CORO2B: variants seen among roughly 807,000 people sequenced by gnomAD.
The protein encoded by CORO2B is coronin 2B, also known as coronin-2B.
CORO2B carries 26 observed loss-of-function variants against 58.8 expected under a neutral mutation model. The observed-to-expected ratio is 0.44, with a 90% CI of 0.32 to 0.61. The LOEUF (loss-of-function observed/expected upper bound fraction) is 0.61, where lower values mean the gene tolerates loss of function less well. CORO2B is among the 20% of genes least tolerant of loss of function. The pLI is 0.04. For synonymous variants in CORO2B, 242 were observed against 253.8 expected, an observed-to-expected ratio of 0.95 and a Z score of 0.44; for missense variants, 460 against 645.1, an observed-to-expected ratio of 0.71 and a Z score of 3.11.
chr15:68,577,420 A>G (rs1222627044), upstream of CORO2B, among the ~76,000 whole-genome samples: 2 of 152,152 alleles, frequency 1.3e-5, no homozygotes, highest in African/African-American at 4.8e-5. Flanking sequence ...GACTCCCAAG[A>G]AAATGTGGTT....
rs759935942 is a variant in CORO2B, at chr15:68,711,528, A to C, written c.484-14A>C. The C allele has an allele frequency of 4.4e-6, 7 of 1,606,828 alleles. No homozygotes were observed. The highest frequency in any genetic ancestry group is 5.1e-6 in the Non-Finnish European group (6 of 1,175,450). Reference sequence around the variant, plus strand: ...CAGCCACTGACCCTGCCTCCCATGCATCTGCCCTCGCAGGTCCTCATCTGG... The same window carrying C: ...CAGCCACTGACCCTGCCTCCCATGCCTCTGCCCTCGCAGGTCCTCATCTGG... On this transcript the variant is annotated splice_polypyrimidine_tract_variant and intron_variant, in intron 4 of 11. Coordinates refer to ENST00000261861, the MANE Select transcript of CORO2B (RefSeq NM_006091.5).
chr15:68,540,466 A>T, the CORO2B span, among the ~76,000 whole-genome samples: 3 of 152,360 alleles, frequency 2.0e-5, no homozygotes, highest in East Asian at 5.8e-4. Context: ...AATGTCTGCC[A>T]AATACACAAG....
At chr15:68,554,428 C>T in the CORO2B span, among the ~76,000 whole-genome samples, 2 of 152,172 alleles carry the variant, frequency 1.3e-5, no homozygotes, top group Non-Finnish European at 2.9e-5. Flanking sequence ...GGAGAACCTC[C>T]AGCTGCCAGA....
At chr15:68,586,489 C>T (rs891863142) in intron 1 of CORO2B, among the ~76,000 whole-genome samples, 6 of 152,150 alleles carry the variant, frequency 3.9e-5, no homozygotes, top group Non-Finnish European at 5.9e-5. Flanking sequence ...TCAAAAGCCA[C>T]GGACCTTGAT....
At chr15:68,619,948 G>C (rs1027433824) in intron 1 of CORO2B, among the ~76,000 whole-genome samples, 2 of 152,008 alleles carry the variant, frequency 1.3e-5, no homozygotes, top group Non-Finnish European at 2.9e-5. Flanking sequence ...GTCTCACTCT[G>C]TCTCCCAGGC....
chr15:68,565,225 A>G, the CORO2B span, among the ~76,000 whole-genome samples: 1 of 152,112 alleles, frequency 6.6e-6, no homozygotes, highest in East Asian at 1.9e-4. Context: ...TGACAGATTA[A>G]TATATTGATA....
intron 11 of CORO2B, among the ~76,000 whole-genome samples, chr15:68,720,557 G>A (rs2140335026): frequency 6.6e-6 from 1 of 152,286 alleles, no homozygotes; most frequent in South Asian, 2.1e-4. Context: ...TCACTCATGT[G>A]GTTGCTGCTA....
chr15:68,712,921 T>G (rs1320542590), intron 5 of CORO2B, among the ~76,000 whole-genome samples: 2 of 152,174 alleles, frequency 1.3e-5, no homozygotes, highest in African/African-American at 2.4e-5. Flanking sequence ...AATGGGGCCA[T>G]GAGCCCAGGG....
intron 7 of CORO2B, 76 bp downstream of exon 7, chr15:68,714,739 A>AC (rs1892992805): frequency 8.8e-7 from 1 of 1,140,420 alleles, no homozygotes; most frequent in Non-Finnish European, 1.3e-6. Context: ...CACCTGCCCC[A>AC]CCCCCTGGAG....
intron 2 of CORO2B, among the ~76,000 whole-genome samples, chr15:68,679,934 T>C (rs940104338): frequency 6.6e-6 from 1 of 152,198 alleles, no homozygotes; most frequent in South Asian, 2.1e-4. Context: ...GGAGCAAGGC[T>C]GAAGTTCTGA....
chr15:68,573,969 G>C, the CORO2B span, among the ~76,000 whole-genome samples: 318 of 152,206 alleles, frequency 2.1e-3, 2 homozygotes, highest in African/African-American at 7.1e-3. Flanking sequence ...AGGTGCTGAC[G>C]GGGAGAGAAG....
At chr15:68,661,625 T>G (rs1209148376) in intron 2 of CORO2B, among the ~76,000 whole-genome samples, 1 of 152,204 alleles carries the variant, frequency 6.6e-6, no homozygotes, top group Non-Finnish European at 1.5e-5. Flanking sequence ...CCTTTCTGCC[T>G]TAAATCCTGA....
intron 1 of CORO2B, among the ~76,000 whole-genome samples, chr15:68,603,051 G>A (rs1900022824): frequency 6.6e-6 from 1 of 152,126 alleles, no homozygotes; most frequent in Admixed American, 6.5e-5. Context: ...CTCAAGGATG[G>A]GTCTGTCAAC....
At chr15:68,633,572 G>A (rs570644931) in intron 1 of CORO2B, among the ~76,000 whole-genome samples, 21 of 149,712 alleles carry the variant, frequency 1.4e-4, no homozygotes, top group Non-Finnish European at 3.0e-4. Context: ...AGCACAGGGT[G>A]GACAGTGCAA....
chr15:68,641,612 G>A (rs1459459937), intron 1 of CORO2B: 24 of 985,136 alleles, frequency 2.4e-5, no homozygotes, highest in Non-Finnish European at 2.9e-5. Context: ...TTTGCCGGGT[G>A]GGCTCAGGAG....
chr15:68,680,936 G>A (rs1375507374), intron 2 of CORO2B, among the ~76,000 whole-genome samples: 2 of 152,182 alleles, frequency 1.3e-5, no homozygotes, highest in Admixed American at 6.5e-5. Context: ...AAAAGGGGCC[G>A]GGCGCGGTGG....
intron 1 of CORO2B, among the ~76,000 whole-genome samples, chr15:68,608,895 C>T (rs556464845): frequency 2.0e-5 from 3 of 152,250 alleles, no homozygotes; most frequent in East Asian, 1.9e-4. Context: ...TCCATCCATC[C>T]GTTCAACAAG....
At chr15:68,527,085 G>T in the CORO2B span, among the ~76,000 whole-genome samples, 1 of 152,190 alleles carries the variant, frequency 6.6e-6, no homozygotes, top group African/African-American at 2.4e-5. Flanking sequence ...AGAGGCCTCA[G>T]TAGAAACCAA....
At chr15:68,591,301 A>C (rs542225126) in intron 1 of CORO2B, among the ~76,000 whole-genome samples, 6 of 152,240 alleles carry the variant, frequency 3.9e-5, no homozygotes, top group Non-Finnish European at 8.8e-5. Context: ...CAGGAAAGGC[A>C]TTCCAGGTTG....
Sources: gnomAD v4.1 joint callset for allele counts (sites outside exome capture counted in the v4.1 genomes callset) on GRCh38, gnomAD v4.1.1 for gene constraint, MANE v1.5 for transcripts, NCBI Gene and HGNC (gene_info 2026-07-23, HGNC 2026-07-21) for gene names.